MTX2: variants seen among roughly 807,000 people sequenced by gnomAD.
MTX2 encodes metaxin-2.
MTX2 carries 35 observed loss-of-function variants against 42.3 expected under a neutral mutation model. The ratio of observed to expected loss-of-function variants is 0.83; its 90% confidence interval spans 0.63 to 1.10. The LOEUF (loss-of-function observed/expected upper bound fraction) is 1.10, where lower values mean the gene tolerates loss of function less well. MTX2 is among the 50% of genes least tolerant of loss of function. The probability of loss-of-function intolerance (pLI) is 0.00; values close to 1 mark genes in which losing one functional copy is unlikely to be tolerated. For synonymous variants in MTX2, 119 were observed against 100.9 expected (o/e 1.18, Z -1.08); for missense variants, 307 against 304.1 (o/e 1.01, Z -0.07).
At chr2:176,335,524 C>G (rs1200856494) in intron 9 of MTX2, among the ~76,000 whole-genome samples, 1 of 151,912 alleles carries the variant, frequency 6.6e-6, no homozygotes, top group Non-Finnish European at 1.5e-5. Flanking sequence ...CTTTAGGAGG[C>G]TATCTCAGTG....
chr2:176,309,947 A>G (rs1684259467), intron 3 of MTX2, among the ~76,000 whole-genome samples: 1 of 152,096 alleles, frequency 6.6e-6, no homozygotes, highest in Admixed American at 6.5e-5. Context: ...TCCTGTCATT[A>G]TGATATTAGC....
rs1448663616 is a variant in MTX2, at chr2:176,305,951, A to G, written c.135+8056A>G. ...TTTTATACTTTAAGTTCTAGGGTAC[A>G]TGTGCACAATGTGCAGGTTTGATAC... On this transcript the variant is annotated intron_variant, in intron 3 of 9. Coordinates refer to ENST00000249442, the MANE Select transcript of MTX2 (RefSeq NM_006554.5). Among the ~76,000 whole-genome samples the G allele has an allele frequency of 5.9e-5, 9 of 152,258 alleles. No individual in the cohort carries two copies. In the East Asian group the frequency reaches 9.7e-4, roughly 16 times the overall value.
intron 9 of MTX2, among the ~76,000 whole-genome samples, chr2:176,335,240 T>C (rs1292568257): frequency 2.0e-5 from 3 of 152,024 alleles, no homozygotes; most frequent in Non-Finnish European, 4.4e-5. Flanking sequence ...GGAATAGTTA[T>C]AGTCAAGGTT....
In MTX2 at chr2:176,333,445, G is replaced by A. The variant is rs911742828; in HGVS notation, c.620+2785G>A. 5.3e-5 allele frequency among the ~76,000 whole-genome samples: 8 copies of A among 151,572 alleles called. No individual in the cohort carries two copies. In the East Asian group the frequency reaches 5.8e-4, roughly 11 times the overall value. ...TCTAGTAAAATTGGCACTTTTATGC[G>A]TGTAGTTCTATGAATTTTAACAAAG... On this transcript the variant is annotated intron_variant, in intron 9 of 9. Coordinates refer to ENST00000249442, the MANE Select transcript of MTX2 (RefSeq NM_006554.5).
intron 9 of MTX2, among the ~76,000 whole-genome samples, chr2:176,335,701 C>T (rs1249950657): frequency 6.6e-6 from 1 of 152,032 alleles, no homozygotes; most frequent in East Asian, 1.9e-4. Context: ...GCCTGAACAG[C>T]TGGTTGGATA....
rs1685022182 is a variant in MTX2 at position 176,337,514 on chromosome 2, G to GGT, written c.643_644dup (p.Phe216TyrfsTer13). On this transcript the variant is annotated frameshift_variant, in exon 10 of 10. Transcript: ENST00000249442. LOFTEE classifies it high-confidence loss of function. ...TTAGGCCTACTGAACTTGACGCACT[G>GGT]GTATTTGGCCATCTATACACCATTC... 5.0e-6 allele frequency: 8 copies of GGT among 1,605,478 alleles called. No individual in the cohort carries two copies. Among genetic ancestry groups the GGT allele is most frequent in the Non-Finnish European group, 6.8e-6 (8 of 1,175,986 alleles).
chr2:176,269,709 G>A, intron 1 of MTX2, 40 bp downstream of exon 1: 1 of 1,573,514 alleles, frequency 6.4e-7, no homozygotes. Flanking sequence ...TGGCGGCGCG[G>A]TCTCGGGGAG....
At chr2:176,306,413 G>A (rs1228279677) in intron 3 of MTX2, among the ~76,000 whole-genome samples, 1 of 152,092 alleles carries the variant, frequency 6.6e-6, no homozygotes, top group East Asian at 1.9e-4. Flanking sequence ...ATAATCCTTT[G>A]GGTATATACC....
chr2:176,314,232 T>G (rs991355649), intron 3 of MTX2, among the ~76,000 whole-genome samples: 2 of 152,182 alleles, frequency 1.3e-5, no homozygotes, highest in African/African-American at 4.8e-5. Context: ...GGCCAGGAGT[T>G]CACGACCAGC....
chr2:176,335,828 C>T (rs1271199540), intron 9 of MTX2, among the ~76,000 whole-genome samples: 3 of 152,062 alleles, frequency 2.0e-5, no homozygotes, highest in Admixed American at 2.0e-4. Flanking sequence ...CCACATCCTG[C>T]TCCACAGATA....
chr2:176,287,376 C>T (rs1363320603), intron 1 of MTX2, among the ~76,000 whole-genome samples: 1 of 152,160 alleles, frequency 6.6e-6, no homozygotes, highest in Non-Finnish European at 1.5e-5. Context: ...ATTTGAAAGT[C>T]CAAAATCTGA....
intron 4 of MTX2, among the ~76,000 whole-genome samples, chr2:176,325,508 G>T (rs977929715): frequency 9.9e-5 from 15 of 151,402 alleles, no homozygotes; most frequent in African/African-American, 3.4e-4. Context: ...AATTGACAAC[G>T]CTCAATGTAT....
chr2:176,326,205 A>T (rs536392181), intron 4 of MTX2, among the ~76,000 whole-genome samples: 17 of 151,906 alleles, frequency 1.1e-4, no homozygotes, highest in African/African-American at 3.1e-4. Context: ...TTTTATAAAC[A>T]TACTATTATT....
At chr2:176,273,031 C>T (rs1156863328) in intron 1 of MTX2, among the ~76,000 whole-genome samples, 2 of 152,092 alleles carry the variant, frequency 1.3e-5, no homozygotes, top group Non-Finnish European at 2.9e-5. Context: ...TTCAAGGTGC[C>T]GGTATCTGAT....
At chr2:176,329,601 A>G (rs1241831896) in intron 8 of MTX2, among the ~76,000 whole-genome samples, 175 bp downstream of exon 8, 1 of 151,214 alleles carries the variant, frequency 6.6e-6, no homozygotes, top group Non-Finnish European at 1.5e-5. Context: ...GCTTGATGTA[A>G]AGCAAACAAT....
intron 1 of MTX2, among the ~76,000 whole-genome samples, chr2:176,272,081 C>T (rs1692827373): frequency 6.6e-6 from 1 of 152,018 alleles, no homozygotes; most frequent in Admixed American, 6.6e-5. Flanking sequence ...AGAAGGAAAC[C>T]CTATCATTTG....
chr2:176,337,670 T>C lies in MTX2; in HGVS notation c.*6T>C, dbSNP rs115530430. ...GTAAAGGCAGGCTGTCATAGAGTTA[T>C]GTGTTAGTCTCAGGAGTCTTAACTT... On this transcript the variant is annotated 3_prime_UTR_variant, in exon 10 of 10. Coordinates refer to ENST00000249442, the MANE Select transcript of MTX2 (RefSeq NM_006554.5). The C allele has an allele frequency of 5.1e-6, 8 of 1,581,596 alleles. No homozygotes were observed. Among genetic ancestry groups the C allele is most frequent in the Middle Eastern group, 3.3e-4 (2 of 5,986 alleles).
At chr2:176,294,495 T>C (rs1683799867) in intron 1 of MTX2, among the ~76,000 whole-genome samples, 1 of 152,140 alleles carries the variant, frequency 6.6e-6, no homozygotes, top group Non-Finnish European at 1.5e-5. Context: ...CAGGCTGGTC[T>C]TGAACTCCTG....
intron 3 of MTX2, among the ~76,000 whole-genome samples, chr2:176,311,693 G>A (rs757734220): frequency 2.0e-4 from 30 of 152,348 alleles, no homozygotes; most frequent in Non-Finnish European, 3.7e-4. Context: ...CTCTGTGGGC[G>A]TGGGAGCCAC....
Sources: gnomAD v4.1 joint callset for allele counts (sites outside exome capture counted in the v4.1 genomes callset) on GRCh38, gnomAD v4.1.1 for gene constraint, MANE v1.5 for transcripts, NCBI Gene and HGNC (gene_info 2026-07-23, HGNC 2026-07-21) for gene names.